Variants in C22orf42 observed in about 807,000 individuals in gnomAD.
C22orf42 encodes uncharacterized protein C22orf42.
Under a neutral mutation model 31.4 loss-of-function variants are expected in C22orf42, and 24 were observed. The ratio of observed to expected loss-of-function variants is 0.77; its 90% confidence interval spans 0.55 to 1.08. The LOEUF (loss-of-function observed/expected upper bound fraction) is 1.08. C22orf42 is among the 50% of genes least tolerant of loss of function. The pLI is 0.00. For synonymous variants in C22orf42, 96 were observed against 112.7 expected, an observed-to-expected ratio of 0.85 and a Z score of 0.94; for missense variants, 276 against 327.3, an observed-to-expected ratio of 0.84 and a Z score of 1.21.
chr22:32,156,779 A>G (rs1921280588), intron 1 of C22orf42, among the ~76,000 whole-genome samples: 1 of 150,262 alleles, frequency 6.7e-6, no homozygotes, highest in South Asian at 2.1e-4. Context: ...GTTATTTCCA[A>G]TATTGAGCTA....
At chr22:32,157,893 G>A (rs1467826975) in intron 1 of C22orf42, among the ~76,000 whole-genome samples, 1 of 152,280 alleles carries the variant, frequency 6.6e-6, no homozygotes, top group Admixed American at 6.5e-5. Context: ...TGGCCACCCT[G>A]TCCCTCTGTG....
rs771794018 is a variant in C22orf42, at chr22:32,149,562, A to T, written c.734T>A (p.Val245Asp). The change falls in exon 9 of 9, where the codon GTT becomes GAT. Residue 245 changes from valine (V) to aspartate (D), a missense_variant. Physicochemically the swap from Val to Asp is radical, Grantham distance 152 (BLOSUM62 -3). Coordinates refer to ENST00000382097, the MANE Select transcript of C22orf42 (RefSeq NM_001010859.3). ...SRLNEPISSQ[V>D]LGLLRL ...ACACTAAAGCCGGAGAAGTCCTAGA[A>T]CCTGGCTGCTGATGGGTTCATTGAG... is the stretch of plus-strand genomic sequence containing the variant. The T allele has an allele frequency of 6.5e-7, 1 of 1,533,344 alleles. No individual in the cohort carries two copies. The highest frequency in any genetic ancestry group is 8.8e-7 in the Non-Finnish European group (1 of 1,135,154). 95.0% of individuals were successfully genotyped at this position (1,533,344 alleles called of 1,614,324 possible).
chr22:32,150,354 A>T lies in C22orf42; in HGVS notation c.619T>A (p.Ser207Thr), dbSNP rs1195564887. Residue 207 changes from serine to threonine, a missense_variant, in exon 7 of 9, where the codon TCT (serine) becomes ACT (threonine). Ser to Thr is a moderately conservative substitution (Grantham distance 58, BLOSUM62 1). Transcript: ENST00000382097. ...GTCATGAGGTCTTCAAGAGAGACAG[A>T]TAGGCTTTCACTGAGACCTGATGTC... ...FMTSGLSESL[S>T]VSLEDLMTPE... 1 of 1,614,074 alleles carries T rather than the reference A, an allele frequency of 6.2e-7. No homozygotes were observed. Among genetic ancestry groups the T allele is most frequent in the Non-Finnish European group, 8.5e-7 (1 of 1,180,010 alleles).
intron 2 of C22orf42, among the ~76,000 whole-genome samples, chr22:32,153,912 A>G (rs967320864): frequency 1.8e-4 from 28 of 151,778 alleles, no homozygotes; most frequent in Admixed American, 8.5e-4. Flanking sequence ...ATGGCCAGCT[A>G]CTTGGGAGGC....
intron 1 of C22orf42, among the ~76,000 whole-genome samples, chr22:32,155,716 T>C (rs5753877): frequency 0.12 from 18,347 of 152,016 alleles, 1,295 homozygotes; most frequent in East Asian, 0.23. Flanking sequence ...TAATAGCATT[T>C]AACTTCATTT....
Position 32,159,110 on chromosome 22 carries a change from C to T in C22orf42, c.106G>A (p.Val36Met), listed in dbSNP as rs748092756. ...PCHECEIPET[V>M]AATAPASTTA... Reference sequence around the variant, plus strand: ...GTGGATGCTGGTGCTGTGGCTGCCACAGTCTCAGGAATCTCACACTCATGG... The same window carrying T: ...GTGGATGCTGGTGCTGTGGCTGCCATAGTCTCAGGAATCTCACACTCATGG... Residue 36 changes from valine (V) to methionine (M), a missense_variant, in exon 1 of 9, where the codon GTG becomes ATG. Transcript: ENST00000382097. 42 of 1,614,096 alleles carry T rather than the reference C, an allele frequency of 2.6e-5. No individual in the cohort carries two copies. Among genetic ancestry groups the T allele is most frequent in the Middle Eastern group, 1.6e-4 (1 of 6,084 alleles).
In C22orf42 at chr22:32,149,407, A is replaced by T. The variant is rs1453136173; in HGVS notation, c.*133T>A. 1.8e-6 allele frequency: 2 copies of T among 1,120,750 alleles called. No homozygotes were observed. The highest frequency in any genetic ancestry group is 2.3e-6 in the Non-Finnish European group (2 of 880,148). 69.4% of individuals were successfully genotyped at this position (1,120,750 alleles called of 1,614,324 possible). A position where few individuals can be genotyped will look rare whatever the true frequency, so the allele number is the denominator to read the frequency against. On this transcript the variant is annotated 3_prime_UTR_variant, in exon 9 of 9. Coordinates refer to ENST00000382097, the MANE Select transcript of C22orf42 (RefSeq NM_001010859.3). ...TGGCTGCAGCCACAAACTGCAGGTC[A>T]CTGTTCACAGGTGCTCAGTAGGAAG...
rs1476148916 is a variant in C22orf42, at chr22:32,149,315, C to G, written c.*225G>C. ...AATGACCCAGGATGGGGCGGGTGTT[C>G]TTCTGCATGGTGACTGAGAATGTGA... On this transcript the variant is annotated 3_prime_UTR_variant, in exon 9 of 9. Transcript: ENST00000382097. The G allele has an allele frequency of 5.5e-6, 2 of 366,892 alleles. No individual in the cohort carries two copies. Among genetic ancestry groups the G allele is most frequent in the Non-Finnish European group, 9.0e-6 (2 of 221,436 alleles). The allele number at this position is 366,892 out of a possible 1,614,324, so 22.7% of individuals were successfully genotyped here.
chr22:32,151,358 C>T (rs541061090), intron 5 of C22orf42, 129 bp downstream of exon 5: 14 of 914,614 alleles, frequency 1.5e-5, no homozygotes, highest in South Asian at 1.1e-4. Flanking sequence ...CTCCAGTGAC[C>T]GGTCGCTAGA....
upstream of C22orf42, chr22:32,159,350 A>G (rs1054290876): frequency 9.7e-6 from 14 of 1,441,940 alleles, no homozygotes; most frequent in Non-Finnish European, 1.3e-5. Context: ...AAAACCTCCT[A>G]TGTCACCTGG....
In C22orf42 at chr22:32,149,151, T is replaced by TC. The variant is rs1354103180; in HGVS notation, c.*388dup. The TC allele has an allele frequency of 6.4e-6, 1 of 155,834 alleles. No homozygotes were observed. Among genetic ancestry groups the TC allele is most frequent in the African/African-American group, 2.4e-5 (1 of 41,524 alleles). 9.7% of individuals were successfully genotyped at this position (155,834 alleles called of 1,614,324 possible). A position where few individuals can be genotyped will look rare whatever the true frequency, so the allele number is the denominator to read the frequency against. On this transcript the variant is annotated 3_prime_UTR_variant, in exon 9 of 9. Transcript: ENST00000382097. ...CACAGTACTAGCACAAAATAAGGAG[T>TC]CAGTTAATATTAGTTCTTCTTCCTC... is the stretch of plus-strand genomic sequence containing the variant.
chr22:32,157,068 G>T (rs1041268871), intron 1 of C22orf42, among the ~76,000 whole-genome samples: 1 of 152,202 alleles, frequency 6.6e-6, no homozygotes, highest in African/African-American at 2.4e-5. Context: ...TCTCTTATGT[G>T]TGAAGATGTG....
intron 8 of C22orf42, 36 bp from the exon 9 acceptor site, chr22:32,149,649 A>AG: frequency 7.5e-7 from 1 of 1,326,070 alleles, no homozygotes; most frequent in Non-Finnish European, 9.9e-7. Flanking sequence ...CTCAAAAAAA[A>AG]AATATATATA....
rs1230052653 is a variant in C22orf42 at position 32,149,556 on chromosome 22, C to T, written c.740G>A (p.Gly247Glu). 1 of 1,535,970 alleles carries T rather than the reference C, an allele frequency of 6.5e-7. No individual in the cohort carries two copies. The highest frequency in any genetic ancestry group is 1.4e-5 in the African/African-American group (1 of 72,618). The change falls in exon 9 of 9, where the codon GGA becomes GAA. Residue 247 changes from glycine (G) to glutamate (E), a missense_variant. Coordinates refer to ENST00000382097, the MANE Select transcript of C22orf42 (RefSeq NM_001010859.3). ...CTTGGAACACTAAAGCCGGAGAAGT[C>T]CTAGAACCTGGCTGCTGATGGGTTC... ...LNEPISSQVL[G>E]LLRL
rs547716919 is a variant in C22orf42 at position 32,156,248 on chromosome 22, A to T, written c.233-1930T>A. Among the ~76,000 whole-genome samples the T allele has an allele frequency of 1.4e-4, 21 of 152,284 alleles. No homozygotes were observed. In the South Asian group the frequency reaches 4.4e-3, roughly 32 times the overall value. On this transcript the variant is annotated intron_variant, in intron 1 of 8. Transcript: ENST00000382097. Reference sequence around the variant, plus strand: ...AATTTACATTCTTGATCTGACATTTATTTTTTCAAACCTTGAAAAACTCAC... The same window carrying T: ...AATTTACATTCTTGATCTGACATTTTTTTTTTCAAACCTTGAAAAACTCAC...
At chr22:32,150,228 A>G in intron 7 of C22orf42, 91 bp downstream of exon 7, 1 of 1,297,260 alleles carries the variant, frequency 7.7e-7, no homozygotes, top group Non-Finnish European at 1.1e-6. Context: ...TCTATAATAT[A>G]CATGGTCAGA....
intron 2 of C22orf42, among the ~76,000 whole-genome samples, chr22:32,154,041 A>ACACACACAC (rs1207709585): frequency 1.3e-5 from 2 of 151,454 alleles, no homozygotes; most frequent in African/African-American, 4.9e-5. Context: ...ACACACACAC[A>ACACACACAC]AAAGAACAAC....
chr22:32,150,386 T>C lies in C22orf42; in HGVS notation c.587A>G (p.Asp196Gly), dbSNP rs1203867154. The change falls in exon 7 of 9, where the codon GAC becomes GGC. Residue 196 changes from aspartate to glycine, a missense_variant. Transcript: ENST00000382097. Reference protein sequence around the residue: ...LSESLSVSLEDFMTSGLSESL... With the variant: ...LSESLSVSLEGFMTSGLSESL... ...TTCACTGAGACCTGATGTCATGAAG[T>C]CTTCAAGAGAGACAGATAGGCTTTC... 6 of 1,614,004 alleles carry C rather than the reference T, an allele frequency of 3.7e-6. No individual in the cohort carries two copies. The highest frequency in any genetic ancestry group is 5.1e-6 in the Non-Finnish European group (6 of 1,179,912).
intron 1 of C22orf42, among the ~76,000 whole-genome samples, chr22:32,157,688 C>A (rs1355205154): frequency 6.6e-6 from 1 of 152,248 alleles, no homozygotes; most frequent in Non-Finnish European, 1.5e-5. Context: ...AAAAAACAGT[C>A]GTGAGAGTGT....
Sources: allele counts gnomAD v4.1 joint callset (sites outside exome capture counted in the v4.1 genomes callset), GRCh38; gene constraint gnomAD v4.1.1; transcripts MANE v1.5; gene names NCBI Gene and HGNC (gene_info 2026-07-23, HGNC 2026-07-21).